Variants in CEP57 observed in about 807,000 individuals in gnomAD.
CEP57 encodes the protein centrosomal protein 57, also known as centrosomal protein of 57 kDa.
In CEP57, 40 loss-of-function variants were observed where a neutral mutation model predicts 68.0. That is an observed-to-expected ratio of 0.59 (90% CI 0.46 to 0.77). The LOEUF is 0.77. Ranked by LOEUF, CEP57 falls within the 30% of genes least tolerant of loss-of-function variation. The pLI is 0.00. For synonymous variants in CEP57, 219 were observed against 198.7 expected (o/e 1.10, Z -0.86); for missense variants, 606 against 580.7 (o/e 1.04, Z -0.45).
chr11:95,810,880 C>T (rs1283487900), intron 2 of CEP57, among the ~76,000 whole-genome samples: 2 of 152,078 alleles, frequency 1.3e-5, no homozygotes, highest in Non-Finnish European at 2.9e-5. Flanking sequence ...AAAAAACAGC[C>T]CACATTACCA....
In CEP57 at chr11:95,805,530, A is replaced by C. The variant is rs191004829; in HGVS notation, c.202+6142A>C. Among the ~76,000 whole-genome samples, 471 of 152,304 alleles carry C rather than the reference A, an allele frequency of 3.1e-3. 4 individuals carry two copies. Among genetic ancestry groups the C allele is most frequent in the African/African-American group, 0.011 (452 of 41,550 alleles). ...CACTGAAAAATTTGGTGAAGGAATA[A>C]ATTATGTTAATAAATGGACAAGAAT... On this transcript the variant is annotated intron_variant, in intron 2 of 10. Coordinates refer to ENST00000325542, the MANE Select transcript of CEP57 (RefSeq NM_014679.5).
chr11:95,813,657 T>G, intron 4 of CEP57, 68 bp downstream of exon 4: 1 of 1,590,926 alleles, frequency 6.3e-7, no homozygotes. Flanking sequence ...AATAAAGACT[T>G]TTTTTCTTTC....
intron 2 of CEP57, among the ~76,000 whole-genome samples, chr11:95,804,318 A>G (rs1204234771): frequency 2.6e-5 from 4 of 152,184 alleles, no homozygotes; most frequent in Non-Finnish European, 5.9e-5. Flanking sequence ...AAGGAGAAAT[A>G]CCCAAGTACA....
chr11:95,795,874 C>G (rs566197635), intron 1 of CEP57, among the ~76,000 whole-genome samples: 2 of 152,194 alleles, frequency 1.3e-5, no homozygotes, highest in South Asian at 4.1e-4. Flanking sequence ...TTCAGCTAAA[C>G]TGATGTATTC....
chr11:95,823,271 G>A (rs1023388296), intron 8 of CEP57: 2 of 152,170 alleles, frequency 1.3e-5, no homozygotes, highest in Non-Finnish European at 2.9e-5. Flanking sequence ...TGAAATCATG[G>A]GGAATATAAT....
chr11:95,809,966 AC>A (rs1338298451), intron 2 of CEP57, among the ~76,000 whole-genome samples: 7 of 152,162 alleles, frequency 4.6e-5, no homozygotes, highest in African/African-American at 1.7e-4. Flanking sequence ...ATACTGGCAA[AC>A]CGAATCCAGC....
In CEP57 at chr11:95,831,159, G is replaced by A; in HGVS notation, c.1406G>A (p.Arg469Lys). 3 of 1,613,350 alleles carry A rather than the reference G, an allele frequency of 1.9e-6. No individual in the cohort carries two copies. Among genetic ancestry groups the A allele is most frequent in the Non-Finnish European group, 2.5e-6 (3 of 1,179,564 alleles). The change falls in exon 11 of 11, where the codon AGA (arginine) becomes AAA (lysine). Residue 469 changes from arginine (R) to lysine (K), a missense_variant. Physicochemically the swap from Arg to Lys is conservative, Grantham distance 26 (BLOSUM62 2). Coordinates refer to ENST00000325542, the MANE Select transcript of CEP57 (RefSeq NM_014679.5). ...TTNKKDFMKLRPGEKRRKNLQ... is the reference protein window; with the variant it reads ...TTNKKDFMKLKPGEKRRKNLQ... Reference sequence around the variant, plus strand: ...AATAAGAAAGATTTTATGAAACTGAGACCTGGAGAAAAAAGGAGAAAAAAT... The same window carrying A: ...AATAAGAAAGATTTTATGAAACTGAAACCTGGAGAAAAAAGGAGAAAAAAT...
In CEP57 at chr11:95,819,739, C is replaced by CT. The variant is rs546130164; in HGVS notation, c.699+836dup. 6.6e-5 allele frequency among the ~76,000 whole-genome samples: 10 copies of CT among 152,218 alleles called. No homozygotes were observed. In the South Asian group the frequency reaches 2.1e-3, roughly 32 times the overall value. ...TGCAGTTCAATCTGTGACCAAAGGC[C>CT]TACAATGTCTTGGGCTCACTTCATA... On this transcript the variant is annotated intron_variant, in intron 6 of 10. Coordinates refer to ENST00000325542, the MANE Select transcript of CEP57 (RefSeq NM_014679.5).
At chr11:95,797,788 A>G (rs1861413011) in intron 1 of CEP57, among the ~76,000 whole-genome samples, 1 of 152,212 alleles carries the variant, frequency 6.6e-6, no homozygotes, top group South Asian at 2.1e-4. Context: ...CATTTGGGGA[A>G]CTAGTTTGTT....
At chr11:95,830,766 C>T (rs1339019251) in intron 10 of CEP57, among the ~76,000 whole-genome samples, 1 of 151,738 alleles carries the variant, frequency 6.6e-6, no homozygotes, top group East Asian at 1.9e-4. Context: ...TTTAGGACAA[C>T]CAGAATTTGT....
At chr11:95,828,101 TA>T (rs34100857) in intron 9 of CEP57, 74 bp downstream of exon 9, 519,797 of 1,504,762 alleles carry the variant, frequency 0.35, 95,746 homozygotes, top group Non-Finnish European at 0.38. Context: ...TTGACTTTAT[TA>T]AATCTTACTT....
At chr11:95,795,245 G>C (rs757912578) in intron 1 of CEP57, among the ~76,000 whole-genome samples, 5 of 152,038 alleles carry the variant, frequency 3.3e-5, no homozygotes, top group Non-Finnish European at 7.4e-5. Flanking sequence ...CATTTATTTA[G>C]AACTTTAACA....
chr11:95,827,521 G>T, intron 8 of CEP57: 1 of 418,110 alleles, frequency 2.4e-6, no homozygotes, highest in Non-Finnish European at 4.4e-6. Context: ...ATGGAGAGAA[G>T]GGGAGGATGA....
At chr11:95,826,088 C>CCTGCCTCCCCCTCCACTTCTT (rs1862732119) in intron 8 of CEP57, 1 of 152,252 alleles carries the variant, frequency 6.6e-6, no homozygotes, top group South Asian at 2.1e-4. Context: ...GCTAGCCTCT[C>CCTGCCTCCCCCTCCACTTCTT]CTGCCTCCCC....
intron 8 of CEP57, chr11:95,825,948 T>A (rs1438644735): frequency 6.6e-6 from 1 of 152,194 alleles, no homozygotes; most frequent in African/African-American, 2.4e-5. Flanking sequence ...TCGACCCTTC[T>A]ATGATACATC....
rs1194735285 is a variant in CEP57, at chr11:95,831,178, A to G, written c.1425A>G (p.Arg475=). 1 of 1,613,392 alleles carries G rather than the reference A, an allele frequency of 6.2e-7. No individual in the cohort carries two copies. Among genetic ancestry groups the G allele is most frequent in the Non-Finnish European group, 8.5e-7 (1 of 1,179,646 alleles). ...AACTGAGACCTGGAGAAAAAAGGAGAAAAAATCTTCAGTTATTGAAGGACA... is the reference window on the plus strand; with the variant it reads ...AACTGAGACCTGGAGAAAAAAGGAGGAAAAATCTTCAGTTATTGAAGGACA... ...FMKLRPGEKR[R]KNLQLLKDMQ... Residue 475 remains arginine (R), a synonymous_variant, in exon 11 of 11, where the codon AGA becomes AGG. Coordinates refer to ENST00000325542, the MANE Select transcript of CEP57 (RefSeq NM_014679.5).
chr11:95,819,563 C>A (rs1181108501), intron 6 of CEP57, among the ~76,000 whole-genome samples: 1 of 152,210 alleles, frequency 6.6e-6, no homozygotes, highest in East Asian at 1.9e-4. Context: ...ATGTTTTTAA[C>A]TGAAGACACT....
chr11:95,824,891 G>A (rs992439713), intron 8 of CEP57, among the ~76,000 whole-genome samples: 2 of 152,180 alleles, frequency 1.3e-5, no homozygotes, highest in African/African-American at 4.8e-5. Flanking sequence ...GACCCTTTGA[G>A]AACCCTTTTT....
At chr11:95,795,310 T>C (rs1861293900) in intron 1 of CEP57, among the ~76,000 whole-genome samples, 1 of 152,158 alleles carries the variant, frequency 6.6e-6, no homozygotes, top group Non-Finnish European at 1.5e-5. Flanking sequence ...TTATTTCTAG[T>C]TTTTAATTGT....
Sources: gnomAD v4.1 joint callset for allele counts (sites outside exome capture counted in the v4.1 genomes callset) on GRCh38, gnomAD v4.1.1 for gene constraint, MANE v1.5 for transcripts, NCBI Gene and HGNC (gene_info 2026-07-23, HGNC 2026-07-21) for gene names.